GRIN2A: variants seen among roughly 807,000 people sequenced by gnomAD.
GRIN2A encodes the protein glutamate ionotropic receptor NMDA type subunit 2A.
A neutral mutation model predicts 113.4 loss-of-function variants in GRIN2A; 22 were observed. The observed-to-expected ratio is 0.19, with a 90% confidence interval of 0.14 to 0.28. GRIN2A has a LOEUF of 0.28. Among genes scored for constraint, GRIN2A ranks in the 10% least tolerant of loss-of-function variants. The pLI, the probability that GRIN2A is intolerant of heterozygous loss-of-function variation, is 1.00. For synonymous variants in GRIN2A, 827 were observed against 738.4 expected (o/e 1.12, Z -1.94); for missense variants, 1,502 against 1,887.0 (o/e 0.80, Z 3.78).
intron 2 of GRIN2A, among the ~76,000 whole-genome samples, chr16:10,126,815 C>T (rs879367677): frequency 1.3e-5 from 2 of 152,178 alleles, no homozygotes; most frequent in Admixed American, 1.3e-4. Flanking sequence ...GAGTCACCTG[C>T]TCACATGTCC....
intron 2 of GRIN2A, among the ~76,000 whole-genome samples, chr16:10,114,431 A>C (rs1042708105): frequency 6.6e-6 from 1 of 152,158 alleles, no homozygotes; most frequent in African/African-American, 2.4e-5. Flanking sequence ...GAACCAAATC[A>C]AGCAAAGCAG....
At chr16:10,039,705 G>C (rs2047107288) in intron 2 of GRIN2A, among the ~76,000 whole-genome samples, 1 of 150,410 alleles carries the variant, frequency 6.6e-6, no homozygotes, top group South Asian at 2.1e-4. Context: ...CGAAGGACCA[G>C]GTGCTGGGCA....
intron 3 of GRIN2A, among the ~76,000 whole-genome samples, chr16:9,926,996 G>C (rs2044480347): frequency 6.6e-6 from 1 of 151,416 alleles, no homozygotes; most frequent in Non-Finnish European, 1.5e-5. Context: ...GTGGGGTTTG[G>C]AACCAAAGGA....
rs34847596 is a variant in GRIN2A, at chr16:9,769,451, C to CTTTTTTTTTTTT, written c.2357-374_2357-363dup. On this transcript the variant is annotated intron_variant, in intron 11 of 12. Coordinates refer to ENST00000330684, the MANE Select transcript of GRIN2A (RefSeq NM_001134407.3). ...CTGGTTTTGTTTTTTGGAGTTTTGTCTTTTTTTTTTTTTTTTTTTTGGTCA... is the reference window on the plus strand; with the variant it reads ...CTGGTTTTGTTTTTTGGAGTTTTGTCTTTTTTTTTTTTTTTTTTTTTTTTTTTTTTTTGGTCA... Among the ~76,000 whole-genome samples the CTTTTTTTTTTTT allele has an allele frequency of 5.7e-5, 6 of 104,858 alleles. No homozygotes were observed. The East Asian group carries it at 9.5e-4, about 17-fold the overall frequency. 68.8% of individuals were successfully genotyped at this position (104,858 alleles called of 152,430 possible). A position where few individuals can be genotyped will look rare whatever the true frequency, so the allele number is the denominator to read the frequency against.
chr16:10,176,150 G>T (rs944636567), intron 2 of GRIN2A, among the ~76,000 whole-genome samples: 2 of 151,574 alleles, frequency 1.3e-5, no homozygotes, highest in African/African-American at 4.9e-5. Context: ...GGATTACAGG[G>T]GCCTGCCACC....
At chr16:9,804,619 C>T (rs2041929585) in intron 10 of GRIN2A, among the ~76,000 whole-genome samples, 2 of 151,982 alleles carry the variant, frequency 1.3e-5, no homozygotes, top group Non-Finnish European at 2.9e-5. Flanking sequence ...TCCATGCCAC[C>T]TTTCTGCCTC....
intron 10 of GRIN2A, among the ~76,000 whole-genome samples, chr16:9,814,234 G>A (rs1861192): frequency 0.34 from 51,115 of 151,798 alleles, 9,870 homozygotes; most frequent in African/African-American, 0.54. Context: ...CCATAACCCC[G>A]TATTTCCAAC....
chr16:9,875,699 A>G (rs1335352529), intron 4 of GRIN2A, among the ~76,000 whole-genome samples: 2 of 152,216 alleles, frequency 1.3e-5, no homozygotes, highest in Non-Finnish European at 2.9e-5. Context: ...TGCTGCTATC[A>G]GATGCAATGT....
intron 4 of GRIN2A, among the ~76,000 whole-genome samples, chr16:9,864,416 C>A (rs2043126100): frequency 6.7e-6 from 1 of 148,442 alleles, no homozygotes; most frequent in Non-Finnish European, 1.5e-5. Context: ...TATGACTTCT[C>A]TTACTCTATG....
chr16:9,803,474 G>T (rs1160127430), intron 10 of GRIN2A, among the ~76,000 whole-genome samples: 1 of 151,902 alleles, frequency 6.6e-6, no homozygotes, highest in Non-Finnish European at 1.5e-5. Flanking sequence ...GAGGGCTGCT[G>T]GGAATAAAGT....
intron 2 of GRIN2A, among the ~76,000 whole-genome samples, chr16:9,944,507 T>C (rs1245055338): frequency 1.3e-5 from 2 of 152,156 alleles, no homozygotes; most frequent in African/African-American, 2.4e-5. Flanking sequence ...ACCATCATCA[T>C]AGCCAATATC....
At chr16:10,104,812 G>A (rs1423961475) in intron 2 of GRIN2A, among the ~76,000 whole-genome samples, 1 of 152,138 alleles carries the variant, frequency 6.6e-6, no homozygotes. Context: ...GCAGTCGACG[G>A]CAGGGTATGA....
chr16:10,176,734 G>T (rs2050155305), intron 2 of GRIN2A, among the ~76,000 whole-genome samples: 1 of 151,834 alleles, frequency 6.6e-6, no homozygotes, highest in Non-Finnish European at 1.5e-5. Flanking sequence ...AGCACTAGGA[G>T]ATATACCTAA....
At chr16:10,108,129 C>A (rs1285848479) in intron 2 of GRIN2A, among the ~76,000 whole-genome samples, 2 of 152,140 alleles carry the variant, frequency 1.3e-5, no homozygotes, top group Non-Finnish European at 2.9e-5. Context: ...CTGATAAAGA[C>A]ATAACTGAAA....
rs527606262 is a variant in GRIN2A, at chr16:10,006,756, C to T, written c.415-68205G>A. ...CTTAACTATATTTTTTACCCATTAA[C>T]CCTCCCTATTTCCCAGCACCCTCTC... On this transcript the variant is annotated intron_variant, in intron 2 of 12. Transcript: ENST00000330684. 3.9e-5 allele frequency among the ~76,000 whole-genome samples: 6 copies of T among 152,108 alleles called. No homozygotes were observed. The South Asian group carries it at 6.2e-4, about 16-fold the overall frequency.
chr16:10,104,834 A>G (rs1026849801), intron 2 of GRIN2A, among the ~76,000 whole-genome samples: 1 of 152,206 alleles, frequency 6.6e-6, no homozygotes, highest in African/African-American at 2.4e-5. Context: ...GAGAAACAGG[A>G]CAGGTTTCCA....
intron 2 of GRIN2A, among the ~76,000 whole-genome samples, chr16:9,994,032 G>C (rs1250491516): frequency 1.3e-5 from 2 of 152,170 alleles, no homozygotes. Context: ...TCTGTAGTGA[G>C]GCAAGGGAAG....
intron 2 of GRIN2A, among the ~76,000 whole-genome samples, chr16:10,025,916 A>C (rs1368787351): frequency 6.6e-6 from 1 of 152,156 alleles, no homozygotes; most frequent in Non-Finnish European, 1.5e-5. Context: ...CCTCTAAAGA[A>C]AAAATGGGAG....
rs576957295 is a variant in GRIN2A, at chr16:10,180,823, A to G, written c.-18-394T>C. ...CCTAGGTGCACAGAATAAACCCTCC[A>G]TCCAACCCCTCCCACCTGGGATAGA... On this transcript the variant is annotated intron_variant, in intron 1 of 12. Transcript: ENST00000330684. This position sits in a 1 kb window ranked among gnomAD's most constrained non-coding sequence, Gnocchi z 7.0. The G allele has an allele frequency of 2.6e-5, 7 of 268,194 alleles. No individual in the cohort carries two copies. The Admixed American group carries it at 3.6e-4, about 14-fold the overall frequency. The allele number at this position is 268,194 out of a possible 1,614,324, so 16.6% of individuals were successfully genotyped here. A position where few individuals can be genotyped will look rare whatever the true frequency, so the allele number is the denominator to read the frequency against.
Sources: allele counts gnomAD v4.1 joint callset (sites outside exome capture counted in the v4.1 genomes callset), GRCh38; gene constraint gnomAD v4.1.1; non-coding constraint Gnocchi (gnomAD v3.1); transcripts MANE v1.5; gene names NCBI Gene and HGNC (gene_info 2026-07-23, HGNC 2026-07-21).